The following SOX6 variants were observed in gnomAD, a reference collection of about 807,000 sequenced individuals.
SOX6 encodes the protein transcription factor SOX-6.
A neutral mutation model predicts 97.8 loss-of-function variants in SOX6; 11 were observed. That is an observed-to-expected ratio of 0.11 (90% CI 0.07 to 0.19). The LOEUF is 0.19. Ranked by LOEUF, SOX6 falls within the 10% of genes least tolerant of loss-of-function variation. SOX6 has a pLI of 1.00. For synonymous variants in SOX6, 360 were observed against 371.4 expected, an observed-to-expected ratio of 0.97 and a Z score of 0.35; for missense variants, 810 against 1,039.5, an observed-to-expected ratio of 0.78 and a Z score of 3.04.
intron 12 of SOX6, among the ~76,000 whole-genome samples, chr11:16,027,714 C>T (rs1855250271): frequency 6.6e-6 from 1 of 152,162 alleles, no homozygotes; most frequent in Admixed American, 6.6e-5. Flanking sequence ...TGTCTCAAGT[C>T]AGCAACAATA....
At chr11:16,015,205 AAGCTGTTTG>A in intron 12 of SOX6, 155 bp from the exon 13 acceptor site, 1 of 714,194 alleles carries the variant, frequency 1.4e-6, no homozygotes, top group Admixed American at 2.1e-5. Context: ...ATTCCGTTGA[AAGCTGTTTG>A]TGACATGGAC....
chr11:16,626,981 C>G (rs922936905), intron 3 of SOX6, among the ~76,000 whole-genome samples: 3 of 152,300 alleles, frequency 2.0e-5, no homozygotes, highest in Admixed American at 2.0e-4. Context: ...TCCCTCCCGT[C>G]TCACATTAGT....
intron 1 of SOX6, among the ~76,000 whole-genome samples, chr11:16,447,263 A>G (rs1859629965): frequency 6.6e-6 from 1 of 152,184 alleles, no homozygotes; most frequent in Non-Finnish European, 1.5e-5. Context: ...GGAAAAGAGC[A>G]CAGTCATTGA....
rs146356541 is a variant in SOX6 at position 16,474,356 on chromosome 11, T to C, written c.-5+1959A>G. ...CTTCCTAGAAAGTTTTCAATTTACG[T>C]TGCCCAGATCAATTAGCAGAATTAC... On this transcript the variant is annotated intron_variant, in intron 1 of 15. Coordinates refer to the SOX6 transcript ENST00000396356. Among the ~76,000 whole-genome samples, 303 of 152,346 alleles carry C rather than the reference T, an allele frequency of 2.0e-3. 2 individuals are homozygous for C. Among genetic ancestry groups the C allele is most frequent in the Middle Eastern group, 0.01 (3 of 294 alleles).
At chr11:16,496,078 G>C (rs1860590555) in intron 4 of SOX6, among the ~76,000 whole-genome samples, 1 of 152,172 alleles carries the variant, frequency 6.6e-6, no homozygotes, top group Non-Finnish European at 1.5e-5. Context: ...AGAGCTTCAA[G>C]GAAGAGTCCT....
chr11:16,735,824 AT>A (rs921485235), intron 2 of SOX6, among the ~76,000 whole-genome samples: 97 of 147,828 alleles, frequency 6.6e-4, no homozygotes, highest in Admixed American at 1.7e-3. Context: ...GGCCCTAGGA[AT>A]TTTTTTTTTT....
chr11:16,063,644 ATT>A (rs1437991881), intron 9 of SOX6, among the ~76,000 whole-genome samples: 1 of 145,512 alleles, frequency 6.9e-6, no homozygotes, highest in Non-Finnish European at 1.5e-5. Context: ...TAAACATATG[ATT>A]TTCATGTAGC....
At chr11:16,100,861 T>C (rs1177018405) in intron 7 of SOX6, among the ~76,000 whole-genome samples, 2 of 151,548 alleles carry the variant, frequency 1.3e-5, no homozygotes, top group Admixed American at 6.6e-5. Flanking sequence ...AGATAGTAAC[T>C]TCAGATGTTA....
intron 12 of SOX6, among the ~76,000 whole-genome samples, chr11:16,026,772 A>G (rs2133878912): frequency 6.6e-6 from 1 of 152,326 alleles, no homozygotes; most frequent in South Asian, 2.1e-4. Context: ...ATTGTGGAAG[A>G]AGCTTTTCTT....
At chr11:16,524,969 A>G (rs1384378189) in intron 4 of SOX6, among the ~76,000 whole-genome samples, 1 of 152,226 alleles carries the variant, frequency 6.6e-6, no homozygotes, top group Non-Finnish European at 1.5e-5. Flanking sequence ...CCACTGCTCA[A>G]TGAAATAAAA....
chr11:16,533,019 T>C (rs1039910128), intron 4 of SOX6, among the ~76,000 whole-genome samples: 2 of 151,922 alleles, frequency 1.3e-5, no homozygotes, highest in African/African-American at 4.8e-5. Context: ...ATAATATGAA[T>C]TTCTGATAGA....
chr11:16,444,500 G>C (rs1196919776), intron 1 of SOX6, among the ~76,000 whole-genome samples: 2 of 152,256 alleles, frequency 1.3e-5, no homozygotes, highest in South Asian at 4.2e-4. Flanking sequence ...GCAAGGATAA[G>C]TTGGCATCTT....
chr11:16,387,973 A>G (rs1484483306), intron 1 of SOX6, among the ~76,000 whole-genome samples: 2 of 152,126 alleles, frequency 1.3e-5, no homozygotes, highest in Non-Finnish European at 2.9e-5. Flanking sequence ...GACCTTAAAT[A>G]CAATGTCAAG....
intron 4 of SOX6, among the ~76,000 whole-genome samples, chr11:16,545,764 C>A (rs1847613449): frequency 1.3e-5 from 2 of 152,118 alleles, no homozygotes; most frequent in South Asian, 4.1e-4. Context: ...CTACCCTGGG[C>A]AATATAATGA....
chr11:16,604,131 C>T (rs1336849164), intron 4 of SOX6, among the ~76,000 whole-genome samples: 2 of 152,238 alleles, frequency 1.3e-5, no homozygotes, highest in Non-Finnish European at 2.9e-5. Flanking sequence ...GGCCCTTGGC[C>T]GGTTCAGGGT....
At chr11:16,538,033 C>T (rs574018647) in intron 4 of SOX6, among the ~76,000 whole-genome samples, 3 of 152,166 alleles carry the variant, frequency 2.0e-5, no homozygotes, top group Admixed American at 6.6e-5. Context: ...TTCAGATTCA[C>T]CAAGGTTAAA....
chr11:16,733,856 C>T (rs552080813), intron 2 of SOX6, among the ~76,000 whole-genome samples: 29 of 151,446 alleles, frequency 1.9e-4, no homozygotes, highest in Non-Finnish European at 3.7e-4. Context: ...GAAACCCCAT[C>T]TCTACTAAAA....
At chr11:16,342,678 C>T (rs937199085) in intron 1 of SOX6, among the ~76,000 whole-genome samples, 1 of 151,844 alleles carries the variant, frequency 6.6e-6, no homozygotes, top group Non-Finnish European at 1.5e-5. Flanking sequence ...TTTTATGTAG[C>T]AGCCCATGTT....
At chr11:16,132,273 AGGAAGGAAGGAAGGAAG>A (rs1849766394) in intron 6 of SOX6, among the ~76,000 whole-genome samples, 2 of 10,136 alleles carry the variant, frequency 2.0e-4, no homozygotes, top group South Asian at 0.012. Context: ...GAAAGAAGGA[AGGAAGGAAGGAAGGAAG>A]GAAGGAAGGA....
Sources: gnomAD v4.1 joint callset for allele counts (sites outside exome capture counted in the v4.1 genomes callset) on GRCh38, gnomAD v4.1.1 for gene constraint, MANE v1.5 for transcripts, NCBI Gene and HGNC (gene_info 2026-07-23, HGNC 2026-07-21) for gene names.